The following GPHN variants were observed in gnomAD, a reference collection of about 807,000 sequenced individuals.
The protein encoded by GPHN is gephyrin.
In GPHN, 17 loss-of-function variants were observed where a neutral mutation model predicts 95.5. The ratio of observed to expected loss-of-function variants is 0.18; its 90% CI spans 0.12 to 0.27. GPHN has a LOEUF of 0.27. Among genes scored for constraint, GPHN ranks in the 10% least tolerant of loss-of-function variants. The pLI, the probability that GPHN is intolerant of heterozygous loss-of-function variation, is 1.00. For synonymous variants in GPHN, 320 were observed against 322.5 expected, an observed-to-expected ratio of 0.99 and a Z score of 0.08; for missense variants, 660 against 978.1, an observed-to-expected ratio of 0.67 and a Z score of 4.34.
intron 17 of GPHN, among the ~76,000 whole-genome samples, chr14:67,139,222 CAA>C (rs112425875): frequency 7.0e-6 from 1 of 142,502 alleles, no homozygotes; most frequent in Non-Finnish European, 1.5e-5. Flanking sequence ...TACTCCATCT[CAA>C]AAAAAAAAAG....
At chr14:67,208,088 C>T in the GPHN span, 69 of 1,446,790 alleles carry the variant, frequency 4.8e-5, no homozygotes, top group East Asian at 3.3e-4. Flanking sequence ...CTACTCCTCA[C>T]GGGTGCTCAG....
chr14:66,952,655 G>A (rs1220258094), intron 8 of GPHN, among the ~76,000 whole-genome samples: 3 of 152,184 alleles, frequency 2.0e-5, no homozygotes, highest in Admixed American at 2.0e-4. Flanking sequence ...AATGTATGAG[G>A]GTTCCAGTTT....
intron 1 of GPHN, among the ~76,000 whole-genome samples, chr14:66,668,800 A>T (rs2153382775): frequency 6.6e-6 from 1 of 152,066 alleles, no homozygotes; most frequent in Non-Finnish European, 1.5e-5. Context: ...AAAAAGAAAA[A>T]GTGCTTCCTT....
chr14:66,954,262 C>T (rs2068331496), intron 8 of GPHN, among the ~76,000 whole-genome samples: 1 of 152,098 alleles, frequency 6.6e-6, no homozygotes, highest in South Asian at 2.1e-4. Context: ...TATTGCATTC[C>T]ATTAACACAT....
chr14:67,728,231 G>T, the GPHN span: 1 of 152,200 alleles, frequency 6.6e-6, no homozygotes, highest in Non-Finnish European at 1.5e-5. Context: ...TACAGTAGAA[G>T]AAGACGGTAA....
At chr14:66,707,537 C>T (rs532654310) in intron 2 of GPHN, among the ~76,000 whole-genome samples, 1 of 152,258 alleles carries the variant, frequency 6.6e-6, no homozygotes, top group East Asian at 1.9e-4. Context: ...AGCTGGAAGT[C>T]ATCATCCTCA....
intron 4 of GPHN, among the ~76,000 whole-genome samples, chr14:66,837,614 AAAATAAAT>A (rs202145300): frequency 0.25 from 36,761 of 144,294 alleles, 8,013 homozygotes; most frequent in African/African-American, 0.56. Flanking sequence ...TAAATAAATA[AAAATAAAT>A]AAATAAATAA....
chr14:67,218,689 C>A, the GPHN span, among the ~76,000 whole-genome samples: 2 of 152,080 alleles, frequency 1.3e-5, no homozygotes, highest in South Asian at 4.1e-4. Flanking sequence ...GGGATGGAGG[C>A]ACTGCGGAAC....
Position 66,906,866 on chromosome 14 carries a change from G to C in GPHN, c.390-9137G>C, listed in dbSNP as rs370669981. Among the ~76,000 whole-genome samples the C allele has an allele frequency of 8.6e-4, 131 of 152,172 alleles. 4 individuals are homozygous for C. The South Asian group carries it at 0.027, about 31-fold the overall frequency. On this transcript the variant is annotated intron_variant, in intron 5 of 22. Transcript: ENST00000478722. ...CTATAATTTCAATTCTTTTAAATTTGTTTAGGTTTATTTTTATGGTCACAG... is the reference window on the plus strand; with the variant it reads ...CTATAATTTCAATTCTTTTAAATTTCTTTAGGTTTATTTTTATGGTCACAG...
At chr14:66,844,092 T>C (rs970229601) in intron 4 of GPHN, among the ~76,000 whole-genome samples, 7 of 152,108 alleles carry the variant, frequency 4.6e-5, no homozygotes, top group African/African-American at 1.7e-4. Flanking sequence ...TATAATTCTT[T>C]GTAGTTTAGA....
chr14:67,064,290 A>G (rs2075951992), intron 11 of GPHN, among the ~76,000 whole-genome samples: 2 of 152,070 alleles, frequency 1.3e-5, no homozygotes, highest in Admixed American at 1.3e-4. Flanking sequence ...AGCCGACTTG[A>G]TCGTGGTGGA....
chr14:67,590,237 A>G, the GPHN span: 1 of 1,267,602 alleles, frequency 7.9e-7, no homozygotes, highest in Non-Finnish European at 1.0e-6. Flanking sequence ...GTGGTGCTGC[A>G]TCCACTTGCA....
At chr14:67,579,251 C>A in the GPHN span, 1 of 1,602,378 alleles carries the variant, frequency 6.2e-7, no homozygotes, top group Non-Finnish European at 8.5e-7. Context: ...TGCTGCGTAA[C>A]CCCTTCCACC....
chr14:67,565,094 G>A, the GPHN span, among the ~76,000 whole-genome samples: 1 of 152,146 alleles, frequency 6.6e-6, no homozygotes, highest in Non-Finnish European at 1.5e-5. Flanking sequence ...TGGGTATTAA[G>A]GGCTTCGCAC....
chr14:66,763,665 A>G (rs2058847637), intron 2 of GPHN, among the ~76,000 whole-genome samples: 1 of 151,836 alleles, frequency 6.6e-6, no homozygotes, highest in Non-Finnish European at 1.5e-5. Context: ...TATAATATTC[A>G]TATTGTATTA....
chr14:66,696,655 C>T (rs960071370), intron 2 of GPHN, among the ~76,000 whole-genome samples: 3 of 152,198 alleles, frequency 2.0e-5, no homozygotes, highest in Non-Finnish European at 4.4e-5. Context: ...CTACACCAAC[C>T]CATGCCAGCA....
At chr14:67,037,377 A>G (rs1197038328) in intron 10 of GPHN, among the ~76,000 whole-genome samples, 7 of 152,030 alleles carry the variant, frequency 4.6e-5, no homozygotes, top group Non-Finnish European at 1.0e-4. Context: ...ACTTTATGAC[A>G]TTGAAATGGG....
chr14:67,594,639 G>A, the GPHN span, among the ~76,000 whole-genome samples: 29 of 150,474 alleles, frequency 1.9e-4, no homozygotes, highest in South Asian at 4.2e-4. Flanking sequence ...ATGACAGAGT[G>A]AGACATCTCA....
chr14:67,584,711 G>A, the GPHN span, among the ~76,000 whole-genome samples: 1 of 152,194 alleles, frequency 6.6e-6, no homozygotes, highest in Non-Finnish European at 1.5e-5. Flanking sequence ...GTCCAGTGCT[G>A]GTTGTTTGAG....
Sources: allele counts gnomAD v4.1 joint callset (sites outside exome capture counted in the v4.1 genomes callset), GRCh38; gene constraint gnomAD v4.1.1; transcripts MANE v1.5; gene names NCBI Gene and HGNC (gene_info 2026-07-23, HGNC 2026-07-21).